GSAP: variants seen among roughly 807,000 people sequenced by gnomAD.
GSAP encodes gamma-secretase activating protein.
GSAP carries 118 observed loss-of-function variants against 131.7 expected under a neutral mutation model. The ratio of observed to expected loss-of-function variants is 0.90; its 90% confidence interval spans 0.77 to 1.04. GSAP has a LOEUF of 1.04. GSAP is among the 50% of genes least tolerant of loss of function. The pLI is 0.00. For missense variants in GSAP, 1,019 were observed against 1,013.2 expected (o/e 1.01, Z -0.08); for synonymous variants, 381 against 363.4 (o/e 1.05, Z -0.55).
At chr7:77,367,904 T>C (rs1004549712) in intron 12 of GSAP, among the ~76,000 whole-genome samples, 2 of 152,216 alleles carry the variant, frequency 1.3e-5, no homozygotes, top group Non-Finnish European at 2.9e-5. Context: ...GTTCAGGGAA[T>C]CAATTTCTTC....
At chr7:77,343,857 C>A (rs1791387469) in intron 19 of GSAP, among the ~76,000 whole-genome samples, 1 of 152,198 alleles carries the variant, frequency 6.6e-6, no homozygotes, top group African/African-American at 2.4e-5. Flanking sequence ...CTCTTAGAAC[C>A]TCTCGTTTCC....
intron 25 of GSAP, 112 bp downstream of exon 25, chr7:77,321,221 G>A: frequency 2.8e-6 from 2 of 712,070 alleles, no homozygotes; most frequent in South Asian, 1.6e-5. Context: ...GCTAGATGGT[G>A]TTGAAGCTGG....
chr7:77,360,782 A>C, intron 14 of GSAP, 42 bp downstream of exon 14: 1 of 1,019,626 alleles, frequency 9.8e-7, no homozygotes, highest in Non-Finnish European at 1.6e-6. Context: ...ATGCCTAGGA[A>C]CAAGTGTTCA....
rs146290505 is a variant in GSAP at position 77,366,158 on chromosome 7, G to A, written c.872-3498C>T. On this transcript the variant is annotated intron_variant, in intron 12 of 30. Transcript: ENST00000257626. ...TAGGCCTTTGTCAGATGCATAGTTT[G>A]CAAATATTTTCTCCCAATTCTGTAG... Among the ~76,000 whole-genome samples the A allele has an allele frequency of 2.6e-5, 4 of 151,326 alleles. No homozygotes were observed. The East Asian group carries it at 7.9e-4, about 30-fold the overall frequency.
In GSAP at chr7:77,355,208, C is replaced by G. The variant is rs1793477933; in HGVS notation, c.1338+5G>C. Reference sequence around the variant, plus strand: ...CCCATTTTAAAACATGAGCTATCTTCTCACCTGGGCTTCCAGGAACTGCGC... The same window carrying G: ...CCCATTTTAAAACATGAGCTATCTTGTCACCTGGGCTTCCAGGAACTGCGC... On this transcript the variant is annotated splice_donor_5th_base_variant and intron_variant, in intron 16 of 30. Transcript: ENST00000257626. The G allele has an allele frequency of 6.3e-7, 1 of 1,590,526 alleles. No homozygotes were observed. The highest frequency in any genetic ancestry group is 1.3e-5 in the African/African-American group (1 of 74,274).
rs1276696109 is a variant in GSAP at position 77,346,934 on chromosome 7, A to ACCACCACCCCCCGCC, written c.1545+2402_1545+2416dup. Among the ~76,000 whole-genome samples, 17 of 69,062 alleles carry ACCACCACCCCCCGCC rather than the reference A, an allele frequency of 2.5e-4. No homozygotes were observed. The East Asian group carries it at 7.3e-3, about 30-fold the overall frequency. 45.3% of individuals were successfully genotyped at this position (69,062 alleles called of 152,430 possible). On this transcript the variant is annotated intron_variant, in intron 19 of 30. Coordinates refer to ENST00000257626, the MANE Select transcript of GSAP (RefSeq NM_017439.4). The stretch of plus-strand genomic sequence containing the variant: ...ATGACTCTCCCCTCCACCACTCCCC[A>ACCACCACCCCCCGCC]CCACCACCCCCCGCCCCACCCCCCT...
At chr7:77,402,933 C>G (rs1801628102) in intron 3 of GSAP, among the ~76,000 whole-genome samples, 2 of 152,164 alleles carry the variant, frequency 1.3e-5, no homozygotes, top group African/African-American at 4.8e-5. Context: ...GGGAACCTAT[C>G]ACTATCAATC....
chr7:77,351,748 A>G, intron 18 of GSAP: 4 of 985,192 alleles, frequency 4.1e-6, no homozygotes, highest in Non-Finnish European at 4.8e-6. Flanking sequence ...ACCACATCCA[A>G]TTAACATGTG....
chr7:77,336,626 C>A (rs1176046666), intron 19 of GSAP, among the ~76,000 whole-genome samples: 1 of 152,092 alleles, frequency 6.6e-6, no homozygotes, highest in African/African-American at 2.4e-5. Flanking sequence ...GTAGCTGGGA[C>A]TACAGGCGCC....
At chr7:77,392,257 A>G (rs1273473966) in intron 5 of GSAP, among the ~76,000 whole-genome samples, 1 of 149,948 alleles carries the variant, frequency 6.7e-6, no homozygotes, top group Non-Finnish European at 1.5e-5. Flanking sequence ...GAATCAAGAT[A>G]TCAGTGGAGA....
Position 77,416,254 on chromosome 7 carries a change from C to T in GSAP, c.68G>A (p.Arg23Gln), listed in dbSNP as rs1265724376. 3.8e-5 allele frequency: 57 copies of T among 1,494,562 alleles called. 1 individual carries two copies. The allele number at this position is 1,494,562 out of a possible 1,614,324, so 92.6% of individuals were successfully genotyped here. ...KDVLPWLRAQ[R>Q]AVSEASGAGS... ...GGCCCCGCTGGCCTCCGACACTGCC[C>T]GCTGCGCCCGCAACCACGGGAGCAC... The change falls in exon 1 of 31, where the codon CGG (arginine) becomes CAG (glutamine). Residue 23 changes from arginine to glutamine, a missense_variant. Arg to Gln is a conservative substitution (Grantham distance 43, BLOSUM62 1). Transcript: ENST00000257626.
intron 3 of GSAP, among the ~76,000 whole-genome samples, chr7:77,398,281 T>C (rs556359684): frequency 2.6e-5 from 4 of 152,234 alleles, no homozygotes; most frequent in African/African-American, 9.6e-5. Flanking sequence ...CCCCTATAGC[T>C]AGAAGTTGAT....
chr7:77,351,624 C>T (rs753897916), intron 18 of GSAP: 51 of 985,474 alleles, frequency 5.2e-5, no homozygotes, highest in Non-Finnish European at 6.0e-5. Context: ...TTCTTTATAT[C>T]GCTCTTCTTG....
intron 18 of GSAP, among the ~76,000 whole-genome samples, chr7:77,351,865 T>A: frequency 6.6e-6 from 1 of 152,178 alleles, no homozygotes; most frequent in East Asian, 1.9e-4. Flanking sequence ...GGAGCGGAGA[T>A]GTGCATTTCC....
At chr7:77,358,002 A>G (rs1210134147) in intron 14 of GSAP, among the ~76,000 whole-genome samples, 2 of 152,230 alleles carry the variant, frequency 1.3e-5, no homozygotes, top group East Asian at 1.9e-4. Flanking sequence ...CTCCATAAAC[A>G]TATACAATTA....
At chr7:77,340,603 T>G (rs1166593885) in intron 19 of GSAP, among the ~76,000 whole-genome samples, 1 of 152,172 alleles carries the variant, frequency 6.6e-6, no homozygotes, top group Non-Finnish European at 1.5e-5. Context: ...TCCTCTCTAG[T>G]AGAGACAAAG....
intron 10 of GSAP, among the ~76,000 whole-genome samples, chr7:77,376,347 A>C (rs1475492253): frequency 6.6e-6 from 1 of 152,236 alleles, no homozygotes; most frequent in Non-Finnish European, 1.5e-5. Context: ...TCTTCTAATG[A>C]CCTACATTAA....
At chr7:77,402,407 A>T (rs1287518847) in intron 3 of GSAP, among the ~76,000 whole-genome samples, 2 of 132,760 alleles carry the variant, frequency 1.5e-5, no homozygotes, top group African/African-American at 5.5e-5. Context: ...AAAAAGAAAA[A>T]AAAAATATAT....
chr7:77,347,299 G>A (rs1792058796), intron 19 of GSAP, among the ~76,000 whole-genome samples: 1 of 152,142 alleles, frequency 6.6e-6, no homozygotes, highest in Admixed American at 6.5e-5. Context: ...AAGACAGTTG[G>A]TCAGAAGTTC....
Sources: allele counts gnomAD v4.1 joint callset (sites outside exome capture counted in the v4.1 genomes callset), GRCh38; gene constraint gnomAD v4.1.1; transcripts MANE v1.5; gene names NCBI Gene and HGNC (gene_info 2026-07-23, HGNC 2026-07-21).